SCN11A: variants seen among roughly 807,000 people sequenced by gnomAD.
The protein encoded by SCN11A is sodium channel protein type 11 subunit alpha.
In SCN11A, 122 loss-of-function variants were observed where a neutral mutation model predicts 162.2. That is an observed-to-expected ratio of 0.75 (90% CI 0.65 to 0.87). The LOEUF (loss-of-function observed/expected upper bound fraction) is 0.87. Among genes scored for constraint, SCN11A ranks in the 40% least tolerant of loss-of-function variants. SCN11A has a pLI of 0.00. For synonymous variants in SCN11A, 758 were observed against 751.5 expected (o/e 1.01, Z -0.14); for missense variants, 2,015 against 2,181.6 (o/e 0.92, Z 1.52).
intron 2 of SCN11A, among the ~76,000 whole-genome samples, chr3:38,974,694 CAAAA>C (rs773028321): frequency 2.1e-5 from 1 of 48,148 alleles, no homozygotes; most frequent in East Asian, 5.9e-4. Context: ...GACTCCGTCT[CAAAA>C]AAAAAAAAAA....
In SCN11A at chr3:38,921,175, T is replaced by A. The variant is rs2066045382; in HGVS notation, c.793A>T (p.Ser265Cys). ...TGCTGACCTACCAGGGCAAAGATGC[T>A]GAGGCAAAAGAAGGTGAGGATAATC... ...NVIILTFFCL[S>C]IFALVGQQLF... The change falls in exon 10 of 30, where the codon AGC (serine) becomes TGC (cysteine). Residue 265 changes from serine (S) to cysteine (C), a missense_variant. Physicochemically the swap from Ser to Cys is moderately radical, Grantham distance 112. Transcript: ENST00000302328. 1 of 1,614,110 alleles carries A rather than the reference T, an allele frequency of 6.2e-7. No individual in the cohort carries two copies. Among genetic ancestry groups the A allele is most frequent in the Non-Finnish European group, 8.5e-7 (1 of 1,179,954 alleles).
intron 7 of SCN11A, among the ~76,000 whole-genome samples, chr3:38,940,932 G>A (rs890050197): frequency 6.6e-6 from 1 of 152,150 alleles, no homozygotes; most frequent in African/African-American, 2.4e-5. Flanking sequence ...TATTAAACTG[G>A]AAAATATATA....
chr3:39,034,399 A>T (rs1361011171), intron 1 of SCN11A, among the ~76,000 whole-genome samples: 1 of 152,198 alleles, frequency 6.6e-6, no homozygotes, highest in Non-Finnish European at 1.5e-5. Flanking sequence ...ATAAAATCCA[A>T]CATCCCTTCA....
intron 3 of SCN11A, among the ~76,000 whole-genome samples, chr3:38,957,729 G>A (rs574889362): frequency 6.6e-6 from 1 of 152,338 alleles, no homozygotes; most frequent in Admixed American, 6.5e-5. Flanking sequence ...GAGGACTAAG[G>A]CCTCACTTTC....
chr3:39,046,617 T>C (rs1446605806), intron 1 of SCN11A, among the ~76,000 whole-genome samples: 1 of 151,974 alleles, frequency 6.6e-6, no homozygotes, highest in Non-Finnish European at 1.5e-5. Flanking sequence ...AAATATACCA[T>C]ACAAAGCTAC....
chr3:38,864,532 T>C (rs1018135972), intron 27 of SCN11A, among the ~76,000 whole-genome samples: 4 of 152,128 alleles, frequency 2.6e-5, no homozygotes, highest in Admixed American at 2.6e-4. Flanking sequence ...GGGGGAGATA[T>C]AGATGTTAAG....
chr3:39,026,280 G>A (rs1287540986), intron 2 of SCN11A, among the ~76,000 whole-genome samples: 1 of 152,078 alleles, frequency 6.6e-6, no homozygotes, highest in Non-Finnish European at 1.5e-5. Flanking sequence ...TATGTGTGAA[G>A]GTTCACTTTC....
At position 38,846,302 on chromosome 3, in the gene SCN11A, C is replaced by T. The variant is rs143326272; in HGVS notation, c.*392G>A. ...CTAATTTTTGTATTTTTAGTAGAGA[C>T]GGAGTTTCATCATGTTGGCCAGGAT... On this transcript the variant is annotated 3_prime_UTR_variant, in exon 30 of 30. Transcript: ENST00000302328. The T allele has an allele frequency of 5.8e-3, 1,007 of 173,956 alleles. 11 individuals carry two copies. Among genetic ancestry groups the T allele is most frequent in the African/African-American group, 0.021 (889 of 42,136 alleles). The allele number at this position is 173,956 out of a possible 1,614,324, so 10.8% of individuals were successfully genotyped here.
chr3:38,976,695 C>T (rs753613690), intron 2 of SCN11A, among the ~76,000 whole-genome samples: 4 of 152,116 alleles, frequency 2.6e-5, no homozygotes, highest in Non-Finnish European at 5.9e-5. Context: ...GTTCTTTGGT[C>T]ACCCCACTCC....
At chr3:38,894,219 A>G (rs1263642835) in intron 19 of SCN11A, among the ~76,000 whole-genome samples, 1 of 151,986 alleles carries the variant, frequency 6.6e-6, no homozygotes, top group Non-Finnish European at 1.5e-5. Flanking sequence ...TTACTTCCCA[A>G]TCCCCTTTTC....
intron 1 of SCN11A, among the ~76,000 whole-genome samples, chr3:39,041,486 C>T (rs1452060391): frequency 6.6e-6 from 1 of 152,158 alleles, no homozygotes; most frequent in Admixed American, 6.5e-5. Flanking sequence ...ATATGAAAAT[C>T]CCCATTAGAC....
intron 23 of SCN11A, among the ~76,000 whole-genome samples, chr3:38,875,289 A>G (rs925905650): frequency 6.6e-5 from 10 of 152,322 alleles, no homozygotes; most frequent in African/African-American, 1.7e-4. Context: ...TTCATTTATT[A>G]TCAATATTAT....
At chr3:38,904,677 G>A (rs1443891077) in intron 15 of SCN11A, among the ~76,000 whole-genome samples, 6 of 152,212 alleles carry the variant, frequency 3.9e-5, no homozygotes, top group African/African-American at 1.2e-4. Context: ...CTTGCAGGGA[G>A]TAAATCCTGC....
At chr3:39,004,367 T>A (rs2030906649) in intron 2 of SCN11A, among the ~76,000 whole-genome samples, 1 of 152,192 alleles carries the variant, frequency 6.6e-6, no homozygotes, top group South Asian at 2.1e-4. Flanking sequence ...TCTATTCTGT[T>A]CCGCTGGTCT....
At chr3:39,021,614 G>C (rs1181265363) in intron 2 of SCN11A, among the ~76,000 whole-genome samples, 1 of 152,140 alleles carries the variant, frequency 6.6e-6, no homozygotes, top group Non-Finnish European at 1.5e-5. Flanking sequence ...AATCTTAACC[G>C]AAGTTTGGTT....
chr3:38,912,915 T>G (rs759957528), intron 11 of SCN11A, among the ~76,000 whole-genome samples: 7 of 152,208 alleles, frequency 4.6e-5, no homozygotes, highest in Non-Finnish European at 1.0e-4. Flanking sequence ...GTCTTTGCTA[T>G]AGTGAACAGT....
chr3:38,945,991 C>A (rs2066511386), intron 6 of SCN11A, among the ~76,000 whole-genome samples: 1 of 152,160 alleles, frequency 6.6e-6, no homozygotes, highest in Non-Finnish European at 1.5e-5. Context: ...CATTGCCATT[C>A]TCCTCAATAT....
Position 38,986,636 on chromosome 3 carries a change from GTGT to G in SCN11A, c.-279-26216_-279-26214del, listed in dbSNP as rs562222005. On this transcript the variant is annotated intron_variant, in intron 2 of 29. Transcript: ENST00000302328. The stretch of plus-strand genomic sequence containing the variant: ...CTTCTCTCTCTCTCTCTGTGTGTGT[GTGT>G]TGTTGTTGTTGTTGTTGTATTGAGT... Among the ~76,000 whole-genome samples, 10 of 151,866 alleles carry G rather than the reference GTGT, an allele frequency of 6.6e-5. No individual in the cohort carries two copies. In the South Asian group the frequency reaches 8.3e-4, roughly 13 times the overall value.
At chr3:39,019,909 AT>A (rs1181977570) in intron 2 of SCN11A, among the ~76,000 whole-genome samples, 1 of 152,090 alleles carries the variant, frequency 6.6e-6, no homozygotes, top group Non-Finnish European at 1.5e-5. Flanking sequence ...CTGTTTGATC[AT>A]TTTGTATCAT....
Sources: allele counts gnomAD v4.1 joint callset (sites outside exome capture counted in the v4.1 genomes callset), GRCh38; gene constraint gnomAD v4.1.1; transcripts MANE v1.5; gene names NCBI Gene and HGNC (gene_info 2026-07-23, HGNC 2026-07-21).